The following TG variants were observed in gnomAD, a reference collection of about 807,000 sequenced individuals.
TG encodes thyroid hormones.
TG carries 270 observed loss-of-function variants against 324.7 expected under a neutral mutation model. The ratio of observed to expected loss-of-function variants is 0.83; its 90% CI spans 0.75 to 0.92. TG has a LOEUF of 0.92. Among genes scored for constraint, TG ranks in the 40% least tolerant of loss-of-function variants. TG has a pLI of 0.00. For missense variants in TG, 3,591 were observed against 3,456.4 expected (o/e 1.04, Z -0.98); for synonymous variants, 1,401 against 1,327.0 (o/e 1.06, Z -1.21).
rs1229001135 is a variant in TG at position 132,888,480 on chromosome 8, A to G, written c.2673A>G (p.Ala891=). 2 of 1,610,710 alleles carry G rather than the reference A, an allele frequency of 1.2e-6. No individual in the cohort carries two copies. The highest frequency in any genetic ancestry group is 2.2e-5 in the East Asian group (1 of 44,874). The change falls in exon 10 of 48, where the codon GCA becomes GCG. Residue 891 remains alanine, a synonymous_variant. Coordinates refer to ENST00000220616, the MANE Select transcript of TG (RefSeq NM_003235.5). The part of the protein sequence containing the change: ...GSYSDFSTPL[A]HFDLRNCWCV... The stretch of plus-strand genomic sequence containing the variant: ...ACTCAGACTTCAGCACTCCTTTGGC[A>G]CATTTTGATCTTCGGAACTGCTGGT...
At chr8:133,112,308 G>A (rs146958606) in intron 43 of TG, among the ~76,000 whole-genome samples, 2,021 of 152,364 alleles carry the variant, frequency 0.013, 17 homozygotes, top group Middle Eastern at 0.041. Flanking sequence ...ACGTTGCACC[G>A]TTTACATAAG....
At chr8:133,031,399 A>C (rs990661891) in intron 41 of TG, among the ~76,000 whole-genome samples, 1 of 152,144 alleles carries the variant, frequency 6.6e-6, no homozygotes, top group Admixed American at 6.5e-5. Context: ...CCTTTTGCCT[A>C]TTGTGAACAG....
intron 41 of TG, among the ~76,000 whole-genome samples, chr8:133,065,483 C>T (rs570072405): frequency 1.7e-4 from 26 of 152,284 alleles, no homozygotes; most frequent in East Asian, 1.5e-3. Flanking sequence ...GTTATCAGGC[C>T]GGGCGCGGTG....
intron 27 of TG, among the ~76,000 whole-genome samples, chr8:132,953,865 A>T (rs1282027761): frequency 6.6e-6 from 1 of 152,092 alleles, no homozygotes; most frequent in Non-Finnish European, 1.5e-5. Flanking sequence ...CAACCCTCTT[A>T]TTTGTCAGAA....
intron 35 of TG, among the ~76,000 whole-genome samples, chr8:132,987,314 G>C (rs1463739456): frequency 1.3e-5 from 2 of 152,184 alleles, no homozygotes; most frequent in African/African-American, 4.8e-5. Flanking sequence ...CTGCCTTCAG[G>C]GTGTTGAAAT....
At chr8:132,934,125 G>T (rs1458193492) in intron 24 of TG, among the ~76,000 whole-genome samples, 4 of 152,162 alleles carry the variant, frequency 2.6e-5, no homozygotes, top group Non-Finnish European at 4.4e-5. Context: ...TTAAGGTCAG[G>T]AGTTCGACAC....
At chr8:132,948,713 G>A (rs539761908) in intron 26 of TG, 63 bp from the exon 27 acceptor site, 7 of 1,563,204 alleles carry the variant, frequency 4.5e-6, no homozygotes, top group Middle Eastern at 2.3e-4. Flanking sequence ...TCAGGGGACA[G>A]AGAAGAGTCT....
chr8:132,894,983 C>T (rs769529607), intron 11 of TG, among the ~76,000 whole-genome samples: 5 of 152,168 alleles, frequency 3.3e-5, no homozygotes, highest in African/African-American at 9.7e-5. Flanking sequence ...GAGACCTGGT[C>T]CTCCAGTTCA....
At chr8:132,987,125 A>G (rs1311776023) in intron 35 of TG, among the ~76,000 whole-genome samples, 1 of 152,090 alleles carries the variant, frequency 6.6e-6, no homozygotes, top group Non-Finnish European at 1.5e-5. Flanking sequence ...TATGGGCCTG[A>G]GTAGGTGTTT....
chr8:132,933,464 G>GTGTT (rs2129681921), intron 23 of TG, 97 bp from the exon 24 acceptor site: 1 of 867,862 alleles, frequency 1.2e-6, no homozygotes, highest in Non-Finnish European at 2.0e-6. Flanking sequence ...GTGTGTGTGT[G>GTGTT]TTTGGGCATG....
At chr8:133,017,730 C>G (rs1564077171) in intron 37 of TG, 48 bp from the exon 38 acceptor site, 1 of 1,529,916 alleles carries the variant, frequency 6.5e-7, no homozygotes, top group Non-Finnish European at 9.1e-7. Flanking sequence ...AGAGCACTCA[C>G]TGAGGCCTCT....
In TG at chr8:132,969,708, C is replaced by G. The variant is rs866944386; in HGVS notation, c.5975+139C>G. 94 of 680,106 alleles carry G rather than the reference C, an allele frequency of 1.4e-4. 1 individual carries two copies. In the Admixed American group the frequency reaches 1.6e-3, roughly 11 times the overall value. The allele number at this position is 680,106 out of a possible 1,614,324, so 42.1% of individuals were successfully genotyped here. Reference sequence around the variant, plus strand: ...TGGGCTGATCACGAGGTCAAGAGATCAAGACTATCCTGACCAACATGGTGA... The same window carrying G: ...TGGGCTGATCACGAGGTCAAGAGATGAAGACTATCCTGACCAACATGGTGA... On this transcript the variant is annotated intron_variant, in intron 32 of 47. Coordinates refer to ENST00000220616, the MANE Select transcript of TG (RefSeq NM_003235.5).
intron 41 of TG, among the ~76,000 whole-genome samples, chr8:133,055,285 T>A (rs2741198): frequency 0.059 from 8,997 of 151,830 alleles, 827 homozygotes; most frequent in East Asian, 0.43. Flanking sequence ...CCTGGAGTCA[T>A]GGCTAAACTC....
chr8:133,034,063 G>T (rs1244984054), intron 41 of TG, among the ~76,000 whole-genome samples: 2 of 152,204 alleles, frequency 1.3e-5, no homozygotes, highest in Non-Finnish European at 2.9e-5. Context: ...CATAGTGTGA[G>T]CATGCTATGC....
intron 29 of TG, among the ~76,000 whole-genome samples, chr8:132,966,082 C>A (rs1446260177): frequency 6.6e-6 from 1 of 152,132 alleles, no homozygotes; most frequent in Non-Finnish European, 1.5e-5. Context: ...GCTGGACTTC[C>A]ATGTGGCTTC....
At chr8:133,078,871 C>A (rs988653852) in intron 41 of TG, among the ~76,000 whole-genome samples, 1 of 152,206 alleles carries the variant, frequency 6.6e-6, no homozygotes, top group African/African-American at 2.4e-5. Context: ...TCCCTCCCTG[C>A]CCTCAAGGAG....
At chr8:133,134,112 G>T (rs1297619043) in intron 47 of TG, among the ~76,000 whole-genome samples, 3 of 152,208 alleles carry the variant, frequency 2.0e-5, no homozygotes, top group African/African-American at 4.8e-5. Flanking sequence ...GGAGAGAAAA[G>T]AAATTATAAT....
At chr8:132,940,260 C>T (rs952764874) in intron 25 of TG, among the ~76,000 whole-genome samples, 1 of 152,170 alleles carries the variant, frequency 6.6e-6, no homozygotes, top group African/African-American at 2.4e-5. Context: ...GTCCACCACT[C>T]ACTGGCTGTG....
intron 5 of TG, among the ~76,000 whole-genome samples, chr8:132,876,307 T>TA (rs1478832052): frequency 6.6e-6 from 1 of 152,018 alleles, no homozygotes; most frequent in Admixed American, 6.5e-5. Flanking sequence ...AAGGAATTGA[T>TA]ATGGAGGTGA....
Sources: allele counts gnomAD v4.1 joint callset (sites outside exome capture counted in the v4.1 genomes callset), GRCh38; gene constraint gnomAD v4.1.1; transcripts MANE v1.5; gene names NCBI Gene and HGNC (gene_info 2026-07-23, HGNC 2026-07-21).